Variants in EMC1 observed in about 807,000 individuals in gnomAD.
EMC1 encodes the protein KIAA0090.
A neutral mutation model predicts 128.8 loss-of-function variants in EMC1; 103 were observed. That is an observed-to-expected ratio of 0.80 (90% CI 0.68 to 0.94). The LOEUF (loss-of-function observed/expected upper bound fraction) is 0.94. Among genes scored for constraint, EMC1 ranks in the 40% least tolerant of loss-of-function variants. EMC1 has a pLI of 0.00. For synonymous variants in EMC1, 442 were observed against 490.4 expected, an observed-to-expected ratio of 0.90 and a Z score of 1.30; for missense variants, 1,083 against 1,250.6, an observed-to-expected ratio of 0.87 and a Z score of 2.02.
In EMC1 at chr1:19,239,263, C is replaced by T. The variant is rs763783278; in HGVS notation, c.994G>A (p.Val332Met). 9 of 1,614,070 alleles carry T rather than the reference C, an allele frequency of 5.6e-6. No individual in the cohort carries two copies. The highest frequency in any genetic ancestry group is 7.6e-6 in the Non-Finnish European group (9 of 1,180,022). ...TTCCGACAGGCCATGACTGCAGCCA[C>T]CGTCTTCTCCCCAGTGGTGGCAAAG... Reference protein sequence around the residue: ...VSFATTGEKTVAAVMACRNEV... With the variant: ...VSFATTGEKTMAAVMACRNEV... Residue 332 changes from valine to methionine, a missense_variant, in exon 9 of 23, where the codon GTG becomes ATG. Physicochemically the swap from Val to Met is conservative, Grantham distance 21 (BLOSUM62 1). Coordinates refer to ENST00000477853, the MANE Select transcript of EMC1 (RefSeq NM_015047.3).
chr1:19,247,865 A>C (rs534651988), intron 1 of EMC1, among the ~76,000 whole-genome samples: 5 of 152,222 alleles, frequency 3.3e-5, no homozygotes, highest in African/African-American at 1.2e-4. Flanking sequence ...TTTCTACTAA[A>C]AATACAAAAA....
At chr1:19,232,901 A>G in intron 14 of EMC1, 35 bp downstream of exon 14, 1 of 1,610,312 alleles carries the variant, frequency 6.2e-7, no homozygotes, top group Non-Finnish European at 8.5e-7. Context: ...CAGAATTTGA[A>G]AAGGTTCAGT....
At chr1:19,225,601 C>G (rs184853512) in intron 18 of EMC1, among the ~76,000 whole-genome samples, 1 of 151,890 alleles carries the variant, frequency 6.6e-6, no homozygotes, top group African/African-American at 2.4e-5. Flanking sequence ...GAGCCAAGAT[C>G]GTGCCACTGC....
At position 19,220,813 on chromosome 1, in the gene EMC1, TAGGAA is replaced by T; in HGVS notation, c.2618_2622del (p.Leu873GlnfsTer39). On this transcript the variant is annotated frameshift_variant, in exon 21 of 23. Coordinates refer to ENST00000477853, the MANE Select transcript of EMC1 (RefSeq NM_015047.3). LOFTEE classifies it high-confidence loss of function. ...GGGCGGCGGGGATCCAGCAAAGCCTTAGGAAGGGAAAGAATTGCTCCAGAAGGTAG... is the reference window on the plus strand; with the variant it reads ...GGGCGGCGGGGATCCAGCAAAGCCTTGGGAAAGAATTGCTCCAGAAGGTAG... 6.2e-7 allele frequency: 1 copy of T among 1,613,380 alleles called. No homozygotes were observed. The highest frequency in any genetic ancestry group is 8.5e-7 in the Non-Finnish European group (1 of 1,179,802).
chr1:19,245,058 T>C (rs1553254588), intron 1 of EMC1, 28 bp from the exon 2 acceptor site: 27 of 1,611,534 alleles, frequency 1.7e-5, no homozygotes, highest in East Asian at 2.2e-5. Context: ...CAGGGGACCA[T>C]AAGGAGCTAA....
At position 19,235,174 on chromosome 1, in the gene EMC1, G is replaced by C; in HGVS notation, c.1388C>G (p.Thr463Ser). Reference protein sequence around the residue: ...VCLEMVDLPLTGAQAELEGEF... With the variant: ...VCLEMVDLPLSGAQAELEGEF... Reference sequence around the variant, plus strand: ...TCCTTCCAGCTCGGCCTGTGCCCCAGTCAGGGGGAGGTCCACCATCTCTAG... The same window carrying C: ...TCCTTCCAGCTCGGCCTGTGCCCCACTCAGGGGGAGGTCCACCATCTCTAG... The change falls in exon 13 of 23, where the codon ACT becomes AGT. Residue 463 changes from threonine (T) to serine (S), a missense_variant. Coordinates refer to ENST00000477853, the MANE Select transcript of EMC1 (RefSeq NM_015047.3). 6.2e-7 allele frequency: 1 copy of C among 1,614,102 alleles called. No homozygotes were observed. The highest frequency in any genetic ancestry group is 8.5e-7 in the Non-Finnish European group (1 of 1,179,988).
At chr1:19,220,664 A>G in intron 21 of EMC1, 100 bp downstream of exon 21, 1 of 931,136 alleles carries the variant, frequency 1.1e-6, no homozygotes, top group Non-Finnish European at 1.6e-6. Context: ...CCCAGCCCCT[A>G]GCACAGCATG....
intron 10 of EMC1, 21 bp downstream of exon 10, chr1:19,238,774 C>G: frequency 6.4e-7 from 1 of 1,574,772 alleles, no homozygotes; most frequent in Admixed American, 1.7e-5. Context: ...GTCTGGCATA[C>G]TGCCCAGTGC....
At chr1:19,233,563 CCA>C (rs2093540576) in intron 13 of EMC1, among the ~76,000 whole-genome samples, 1 of 152,208 alleles carries the variant, frequency 6.6e-6, no homozygotes, top group Non-Finnish European at 1.5e-5. Flanking sequence ...GCAGGTACTT[CCA>C]TCTCCCATTG....
At position 19,219,234 on chromosome 1, in the gene EMC1, C is replaced by T. The variant is rs1482584775; in HGVS notation, c.*69G>A. On this transcript the variant is annotated 3_prime_UTR_variant, in exon 23 of 23. Transcript: ENST00000477853. Reference sequence around the variant, plus strand: ...ACACATACTCCACCAATCCACCAAACTGCAGCTGTAGCTGCTTATCTGACC... The same window carrying T: ...ACACATACTCCACCAATCCACCAAATTGCAGCTGTAGCTGCTTATCTGACC... 6.6e-7 allele frequency: 1 copy of T among 1,512,168 alleles called. No homozygotes were observed. Among genetic ancestry groups the T allele is most frequent in the Admixed American group, 1.7e-5 (1 of 59,268 alleles). The allele number at this position is 1,512,168 out of a possible 1,614,324, so 93.7% of individuals were successfully genotyped here.
intron 1 of EMC1, among the ~76,000 whole-genome samples, chr1:19,247,169 T>C (rs114681811): frequency 0.02 from 2,993 of 152,314 alleles, 41 homozygotes; most frequent in South Asian, 0.053. Flanking sequence ...TATTTCATTA[T>C]AGCAGCCTGA....
intron 1 of EMC1, among the ~76,000 whole-genome samples, chr1:19,245,437 A>G (rs911109981): frequency 2.0e-5 from 3 of 152,052 alleles, no homozygotes; most frequent in South Asian, 4.2e-4. Context: ...GCAAAACTCC[A>G]TCTCAAAAAA....
chr1:19,218,409 TATTAA>T lies in EMC1; in HGVS notation c.*889_*893del, dbSNP rs1349125052. ...ATATAATGACCCACATGTTAATTTA[TATTAA>T]AAACTAAAAATAAATAATGGGGTTC... On this transcript the variant is annotated 3_prime_UTR_variant, in exon 23 of 23. Coordinates refer to ENST00000477853, the MANE Select transcript of EMC1 (RefSeq NM_015047.3). 6.6e-6 allele frequency: 1 copy of T among 152,240 alleles called. No individual in the cohort carries two copies. Among genetic ancestry groups the T allele is most frequent in the Non-Finnish European group, 1.5e-5 (1 of 68,040 alleles). 9.4% of individuals were successfully genotyped at this position (152,240 alleles called of 1,614,324 possible).
In EMC1 at chr1:19,222,788, A is replaced by C; in HGVS notation, c.2423T>G (p.Leu808Arg). The change falls in exon 20 of 23, where the codon CTG becomes CGG. Residue 808 changes from leucine (L) to arginine (R), a missense_variant. By Grantham distance (102) the Leu-to-Arg change is moderately radical. This residue lies in a region of EMC1 where 527 missense variants were observed against 644.1 expected (regional missense o/e 0.82). Transcript: ENST00000477853. Reference sequence around the variant, plus strand: ...TTGCTCAGTGCCCTCATAGAGCTCCAGTACGGTAAACTCGTTGCGCCGAGC... The same window carrying C: ...TTGCTCAGTGCCCTCATAGAGCTCCCGTACGGTAAACTCGTTGCGCCGAGC... ...TKARRNEFTV[L>R]ELYEGTEQYN... is the part of the protein sequence containing the mutation. The C allele has an allele frequency of 6.2e-7, 1 of 1,613,874 alleles. No homozygotes were observed. The highest frequency in any genetic ancestry group is 8.5e-7 in the Non-Finnish European group (1 of 1,179,790).
chr1:19,239,643 G>A lies in EMC1; in HGVS notation c.954+175C>T, dbSNP rs1174807550. 4 of 635,302 alleles carry A rather than the reference G, an allele frequency of 6.3e-6. No individual in the cohort carries two copies. In the East Asian group the frequency reaches 1.1e-4, roughly 18 times the overall value. 39.4% of individuals were successfully genotyped at this position (635,302 alleles called of 1,614,324 possible). A position where few individuals can be genotyped will look rare whatever the true frequency, so the allele number is the denominator to read the frequency against. On this transcript the variant is annotated intron_variant, in intron 8 of 22. Transcript: ENST00000477853. Reference sequence around the variant, plus strand: ...AAAGATCCTTTGTAATACTCAGGAGGAAATACACCATTTCTATGATAAGGC... The same window carrying A: ...AAAGATCCTTTGTAATACTCAGGAGAAAATACACCATTTCTATGATAAGGC...
Position 19,217,322 on chromosome 1 carries a change from C to G in EMC1, c.*1981G>C, listed in dbSNP as rs2093402213. 6.6e-6 allele frequency: 1 copy of G among 152,250 alleles called. No individual in the cohort carries two copies. Among genetic ancestry groups the G allele is most frequent in the African/African-American group, 2.4e-5 (1 of 41,438 alleles). 9.4% of individuals were successfully genotyped at this position (152,250 alleles called of 1,614,324 possible). ...CAGCACTTTGGGAGGCCAAGGCCAG[C>G]AGATCACTTGAGGCCAGGAGTTCGA... On this transcript the variant is annotated 3_prime_UTR_variant, in exon 23 of 23. Transcript: ENST00000477853.
intron 18 of EMC1, among the ~76,000 whole-genome samples, 187 bp downstream of exon 18, chr1:19,227,126 G>A (rs2093481027): frequency 6.6e-6 from 1 of 152,140 alleles, no homozygotes; most frequent in South Asian, 2.1e-4. Flanking sequence ...AACATCCCAT[G>A]TGATCATCAC....
At chr1:19,239,428 A>G in intron 8 of EMC1, 126 bp from the exon 9 acceptor site, 1 of 768,940 alleles carries the variant, frequency 1.3e-6, no homozygotes. Context: ...TTTGGAGCAG[A>G]ATGGTCAGGC....
rs1269044010 is a variant in EMC1, at chr1:19,230,957, C to A, written c.1951G>T (p.Ala651Ser). 1 of 1,614,036 alleles carries A rather than the reference C, an allele frequency of 6.2e-7. No homozygotes were observed. The highest frequency in any genetic ancestry group is 1.3e-5 in the African/African-American group (1 of 75,038). Residue 651 changes from alanine to serine, a missense_variant, in exon 17 of 23, where the codon GCT (alanine) becomes TCT (serine). Coordinates refer to ENST00000477853, the MANE Select transcript of EMC1 (RefSeq NM_015047.3). ...AAGACATTCCGAGTGGCTGGAAAAG[C>A]TGTGACCTTGAAAAACCCAGAGAGC... ...LLIDDEYKVTAFPATRNVLRQ... is the reference protein window; with the variant it reads ...LLIDDEYKVTSFPATRNVLRQ...
Sources: gnomAD v4.1 joint callset for allele counts (sites outside exome capture counted in the v4.1 genomes callset) on GRCh38, gnomAD v4.1.1 for gene constraint, gnomAD v4.1.1 regional missense constraint, MANE v1.5 for transcripts, NCBI Gene and HGNC (gene_info 2026-07-23, HGNC 2026-07-21) for gene names.